Variants in ADGRA1 observed in about 807,000 individuals in gnomAD.
The protein encoded by ADGRA1 is adhesion G protein-coupled receptor A1.
In ADGRA1, 12 loss-of-function variants were observed where a neutral mutation model predicts 21.3. The observed-to-expected ratio is 0.56, with a 90% CI of 0.36 to 0.91. The LOEUF (loss-of-function observed/expected upper bound fraction) is 0.91. Ranked by LOEUF, ADGRA1 falls within the 40% of genes least tolerant of loss-of-function variation. The pLI is 0.01. For missense variants in ADGRA1, 790 were observed against 805.6 expected, an observed-to-expected ratio of 0.98 and a Z score of 0.23; for synonymous variants, 385 against 368.8, an observed-to-expected ratio of 1.04 and a Z score of -0.50.
intron 5 of ADGRA1, among the ~76,000 whole-genome samples, chr10:133,111,760 G>C (rs78603563): frequency 9.2e-4 from 2 of 2,178 alleles, no homozygotes; most frequent in Non-Finnish European, 1.5e-3. Flanking sequence ...CAACCTGCCC[G>C]CCACAGACAC....
At chr10:133,109,503 C>T (rs1851949388) in intron 5 of ADGRA1, among the ~76,000 whole-genome samples, 1 of 152,184 alleles carries the variant, frequency 6.6e-6, no homozygotes, top group Non-Finnish European at 1.5e-5. Flanking sequence ...TTCCTGGCCT[C>T]ACCTGCCCTT....
chr10:133,127,899 C>A (rs1852411687), intron 6 of ADGRA1, among the ~76,000 whole-genome samples: 1 of 126,278 alleles, frequency 7.9e-6, no homozygotes, highest in Admixed American at 8.0e-5. Flanking sequence ...CCACCCCACG[C>A]TGGCCACGCC....
chr10:133,102,429 A>T (rs1851812755), intron 4 of ADGRA1: 1 of 603,146 alleles, frequency 1.7e-6, no homozygotes, highest in African/African-American at 1.8e-5. Context: ...GAGGGGCGTG[A>T]GTGCACAGGC....
At chr10:133,109,521 T>G (rs1197979541) in intron 5 of ADGRA1, among the ~76,000 whole-genome samples, 1 of 152,148 alleles carries the variant, frequency 6.6e-6, no homozygotes, top group Admixed American at 6.5e-5. Context: ...CTTTGAGCAC[T>G]GAGGGTCGGT....
intron 2 of ADGRA1, among the ~76,000 whole-genome samples, chr10:133,095,471 C>T (rs9419000): frequency 0.013 from 1,989 of 152,354 alleles, 38 homozygotes; most frequent in African/African-American, 0.045. Context: ...GTCACTCCAG[C>T]TCTGCGGCCC....
At position 133,111,909 on chromosome 10, in the gene ADGRA1, GCCT is replaced by G. The variant is rs1564849581; in HGVS notation, c.401+9070_401+9072del. 2.4e-3 allele frequency among the ~76,000 whole-genome samples: 30 copies of G among 12,342 alleles called. 2 individuals are homozygous for G. In the East Asian group the frequency reaches 0.035, roughly 14 times the overall value. The allele number at this position is 12,342 out of a possible 152,430, so 8.1% of individuals were successfully genotyped here. On this transcript the variant is annotated intron_variant, in intron 5 of 6. Coordinates refer to ENST00000392607, the MANE Select transcript of ADGRA1 (RefSeq NM_001083909.3). ...CCACCACAGACACCTCCCTCCTAAT[GCCT>G]CCAGACCACCTGCCCGCCGTGAGCA...
intron 1 of ADGRA1, 92 bp from the exon 2 acceptor site, chr10:133,088,616 G>A (rs1447415695): frequency 3.6e-6 from 3 of 822,328 alleles, no homozygotes; most frequent in Non-Finnish European, 3.2e-6. Context: ...GGAGCGACAG[G>A]GGCCGCGGCT....
chr10:133,125,639 C>T (rs1434283157), intron 5 of ADGRA1, among the ~76,000 whole-genome samples: 1 of 152,014 alleles, frequency 6.6e-6, no homozygotes, highest in African/African-American at 2.4e-5. Context: ...CTGTGTTAGC[C>T]AGGATGGTCT....
intron 5 of ADGRA1, among the ~76,000 whole-genome samples, chr10:133,110,963 C>G (rs1039857564): frequency 4.1e-4 from 62 of 152,132 alleles, no homozygotes; most frequent in African/African-American, 1.4e-3. Flanking sequence ...GAGCACAGCC[C>G]ACTGAAGGGT....
At chr10:133,111,993 G>GACCA (rs1564849754) in intron 5 of ADGRA1, among the ~76,000 whole-genome samples, 2 of 16,728 alleles carry the variant, frequency 1.2e-4, no homozygotes, top group South Asian at 1.9e-3. Context: ...CCCTCCTAAT[G>GACCA]CCTCCAGACC....
chr10:133,119,080 A>G (rs1046933114), intron 5 of ADGRA1, among the ~76,000 whole-genome samples: 2 of 152,120 alleles, frequency 1.3e-5, no homozygotes, highest in South Asian at 2.1e-4. Context: ...ACACACACGC[A>G]CTCACATGCT....
In ADGRA1 at chr10:133,128,455, C is replaced by G. The variant is rs780941966; in HGVS notation, c.627C>G (p.Tyr209Ter). Reference protein sequence around the residue: ...VQLRRHPGRRYELRTQPEEQR... With the variant: ...VQLRRHPGRR ...TGCGGCGCCACCCAGGGCGCAGGTA[C>G]GAGCTGCGCACACAGCCCGAGGAGC... is the stretch of plus-strand genomic sequence containing the variant. Residue 209 changes from tyrosine (Y) to a stop codon, truncating the protein, a stop_gained, in exon 7 of 7, where the codon TAC becomes TAG. Coordinates refer to ENST00000392607, the MANE Select transcript of ADGRA1 (RefSeq NM_001083909.3). LOFTEE classifies it low-confidence loss of function (END_TRUNC). 1 of 1,596,386 alleles carries G rather than the reference C, an allele frequency of 6.3e-7. No individual in the cohort carries two copies. Among genetic ancestry groups the G allele is most frequent in the Non-Finnish European group, 8.5e-7 (1 of 1,172,914 alleles).
At position 133,097,058 on chromosome 10, in the gene ADGRA1, C is replaced by T; in HGVS notation, c.88C>T (p.Leu30Phe). The T allele has an allele frequency of 6.2e-7, 1 of 1,610,020 alleles. No homozygotes were observed. Among genetic ancestry groups the T allele is most frequent in the Non-Finnish European group, 8.5e-7 (1 of 1,180,014 alleles). ...VVYACTAVMLLCLLASFVTYI... is the reference protein window; with the variant it reads ...VVYACTAVMLFCLLASFVTYI... Reference sequence around the variant, plus strand: ...GTACGCGTGCACGGCCGTCATGCTGCTCTGCCTCCTGGCCTCCTTCGTCAC... The same window carrying T: ...GTACGCGTGCACGGCCGTCATGCTGTTCTGCCTCCTGGCCTCCTTCGTCAC... The change falls in exon 3 of 7, where the codon CTC (leucine) becomes TTC (phenylalanine). Residue 30 changes from leucine (L) to phenylalanine (F), a missense_variant. Physicochemically the swap from Leu to Phe is conservative, Grantham distance 22 (BLOSUM62 0). Coordinates refer to ENST00000392607, the MANE Select transcript of ADGRA1 (RefSeq NM_001083909.3).
At chr10:133,095,589 G>C (rs931793945) in intron 2 of ADGRA1, 2 of 1,526,882 alleles carry the variant, frequency 1.3e-6, no homozygotes, top group Non-Finnish European at 1.8e-6. Flanking sequence ...AGTGCTGTTC[G>C]AACCCTGGGG....
chr10:133,098,893 G>GCACA, intron 4 of ADGRA1, 130 bp downstream of exon 4: 1 of 1,269,462 alleles, frequency 7.9e-7, no homozygotes, highest in Non-Finnish European at 1.1e-6. Context: ...TGGCACATCG[G>GCACA]TGTCTCGGCT....
chr10:133,115,676 T>C (rs955687240), intron 5 of ADGRA1, among the ~76,000 whole-genome samples: 1 of 152,048 alleles, frequency 6.6e-6, no homozygotes, highest in Non-Finnish European at 1.5e-5. Flanking sequence ...CAGCCGAGGG[T>C]CGGCCGATGG....
At chr10:133,094,715 G>A (rs1380700755) in intron 2 of ADGRA1, among the ~76,000 whole-genome samples, 2 of 152,172 alleles carry the variant, frequency 1.3e-5, no homozygotes, top group Non-Finnish European at 2.9e-5. Context: ...TGGCTCGTCG[G>A]AACTGTGTAG....
intron 5 of ADGRA1, among the ~76,000 whole-genome samples, chr10:133,125,531 C>A (rs960703148): frequency 3.9e-5 from 6 of 152,196 alleles, no homozygotes; most frequent in African/African-American, 1.4e-4. Flanking sequence ...TCACGCCATT[C>A]TCCTGTCTCA....
chr10:133,102,794 T>C lies in ADGRA1; in HGVS notation c.353T>C (p.Leu118Pro). 1 of 1,612,832 alleles carries C rather than the reference T, an allele frequency of 6.2e-7. No individual in the cohort carries two copies. Among genetic ancestry groups the C allele is most frequent in the Non-Finnish European group, 8.5e-7 (1 of 1,179,858 alleles). Residue 118 changes from leucine (L) to proline (P), a missense_variant, in exon 5 of 7, where the codon CTG (leucine) becomes CCG (proline). By Grantham distance (98) the Leu-to-Pro change is moderately conservative (BLOSUM62 -3). This residue lies in a region of ADGRA1 where 382 missense variants were observed against 415.6 expected (regional missense o/e 0.92). Coordinates refer to ENST00000392607, the MANE Select transcript of ADGRA1 (RefSeq NM_001083909.3). ...IYKQVTKKAPLCLDTDQPPYP... is the reference protein window; with the variant it reads ...IYKQVTKKAPPCLDTDQPPYP... Reference sequence around the variant, plus strand: ...AAGCAGGTGACCAAGAAGGCCCCTCTGTGCCTGGACACAGACCAGCCACCG... The same window carrying C: ...AAGCAGGTGACCAAGAAGGCCCCTCCGTGCCTGGACACAGACCAGCCACCG...
Sources: gnomAD v4.1 joint callset for allele counts (sites outside exome capture counted in the v4.1 genomes callset) on GRCh38, gnomAD v4.1.1 for gene constraint, gnomAD v4.1.1 regional missense constraint, MANE v1.5 for transcripts, NCBI Gene and HGNC (gene_info 2026-07-23, HGNC 2026-07-21) for gene names.